Variants in SGF29 observed in about 807,000 individuals in gnomAD.
SGF29 encodes SAGA-associated factor 29.
A neutral mutation model predicts 38.1 loss-of-function variants in SGF29; 15 were observed. The ratio of observed to expected loss-of-function variants is 0.39; its 90% CI spans 0.26 to 0.61. The LOEUF (loss-of-function observed/expected upper bound fraction) is 0.61. SGF29 is among the 20% of genes least tolerant of loss of function. The probability of loss-of-function intolerance (pLI) is 0.49; values close to 1 mark genes in which losing one functional copy is unlikely to be tolerated. For missense variants in SGF29, 184 were observed against 394.6 expected (o/e 0.47, Z 4.52); for synonymous variants, 151 against 160.8 (o/e 0.94, Z 0.46).
chr16:28,590,893 T>C lies in SGF29; in HGVS notation c.723T>C (p.Thr241=), dbSNP rs369437733. The C allele has an allele frequency of 6.8e-6, 11 of 1,613,284 alleles. No homozygotes were observed. Among genetic ancestry groups the C allele is most frequent in the Non-Finnish European group, 9.3e-6 (11 of 1,179,678 alleles). ...TCGTGCTGGCCCTGTATCCCCAGAC[T>C]ACCTGCTTCTACCGCGCCCTGATCC... ...EQLVLALYPQ[T]TCFYRALIHA... The change falls in exon 9 of 10, where the codon ACT becomes ACC. Residue 241 remains threonine (T), a synonymous_variant. Coordinates refer to ENST00000317058, the MANE Select transcript of SGF29 (RefSeq NM_138414.3). This position sits in a 1 kb window ranked among gnomAD's most constrained non-coding sequence, Gnocchi z 8.2.
At chr16:28,559,026 A>T (rs962716399) in intron 1 of SGF29, among the ~76,000 whole-genome samples, 2 of 152,202 alleles carry the variant, frequency 1.3e-5, no homozygotes, top group Non-Finnish European at 2.9e-5. Context: ...CACTTTAAAA[A>T]AGTGAATTGG....
At chr16:28,570,358 A>G (rs909744689) in intron 1 of SGF29, among the ~76,000 whole-genome samples, 2 of 152,142 alleles carry the variant, frequency 1.3e-5, no homozygotes, top group Admixed American at 6.5e-5. Context: ...CCTGGGACCT[A>G]TTACCCCTTT....
At chr16:28,589,713 C>G (rs1282518988) in intron 5 of SGF29, among the ~76,000 whole-genome samples, 1 of 151,882 alleles carries the variant, frequency 6.6e-6, no homozygotes, top group African/African-American at 2.4e-5. Context: ...TTTTAACTTT[C>G]TGTTGAATTA....
intron 2 of SGF29, among the ~76,000 whole-genome samples, chr16:28,584,229 G>T (rs2046942330): frequency 6.6e-6 from 1 of 151,882 alleles, no homozygotes; most frequent in Admixed American, 6.6e-5. Context: ...GATCTCAAGT[G>T]ATCTGCCCAC....
chr16:28,557,971 T>G (rs2046763033), intron 1 of SGF29, among the ~76,000 whole-genome samples: 1 of 139,614 alleles, frequency 7.2e-6, no homozygotes, highest in South Asian at 2.3e-4. Context: ...CTCTGTTTTT[T>G]TTTTTTTTTT....
chr16:28,587,583 G>T (rs1470986574), intron 4 of SGF29, among the ~76,000 whole-genome samples: 1 of 152,176 alleles, frequency 6.6e-6, no homozygotes, highest in Non-Finnish European at 1.5e-5. Context: ...CCCTGGCCTG[G>T]TGAGGTCCAT....
intron 1 of SGF29, among the ~76,000 whole-genome samples, chr16:28,562,013 G>A (rs1217490307): frequency 4.6e-5 from 7 of 152,222 alleles, no homozygotes; most frequent in Non-Finnish European, 1.0e-4. Flanking sequence ...CATAGGAAGA[G>A]CTTGTTCTCT....
intron 3 of SGF29, chr16:28,585,232 C>T (rs1596607123): frequency 7.5e-6 from 4 of 530,910 alleles, no homozygotes; most frequent in Non-Finnish European, 1.3e-5. Flanking sequence ...CCTTAGAGCA[C>T]ACAAGCGCCC....
intron 5 of SGF29, 113 bp from the exon 6 acceptor site, chr16:28,589,983 T>A (rs769311542): frequency 6.3e-6 from 9 of 1,428,098 alleles, no homozygotes; most frequent in Non-Finnish European, 8.4e-6. Flanking sequence ...GCCCTCGGGC[T>A]CACTCGGGAA....
chr16:28,564,665 G>GCATATATGTA (rs2046818194), intron 1 of SGF29, among the ~76,000 whole-genome samples: 1 of 68,362 alleles, frequency 1.5e-5, no homozygotes, highest in African/African-American at 5.3e-5. Context: ...GTATATATAT[G>GCATATATGTA]CATATATATG....
intron 9 of SGF29, among the ~76,000 whole-genome samples, chr16:28,591,271 C>T (rs1393841645): frequency 1.3e-5 from 2 of 152,208 alleles, no homozygotes; most frequent in Non-Finnish European, 2.9e-5. Flanking sequence ...TCCCTGCCTG[C>T]CACCCTCTGG....
chr16:28,564,592 C>CGTATATATAT (rs1250330592), intron 1 of SGF29, among the ~76,000 whole-genome samples: 1 of 104,252 alleles, frequency 9.6e-6, no homozygotes, highest in African/African-American at 3.2e-5. Context: ...TATATATATA[C>CGTATATATAT]ACACATATAT....
rs78382837 is a variant in SGF29 at position 28,556,839 on chromosome 16, G to A, written c.-16+2742G>A. On this transcript the variant is annotated intron_variant, in intron 1 of 9. Transcript: ENST00000317058. ...TTTTATTTTGTTTTTGTAGAGACAG[G>A]GCCTCCGTGTGTTGCCCAGGATGGT... 9.1e-3 allele frequency among the ~76,000 whole-genome samples: 1,383 copies of A among 152,042 alleles called. 23 individuals carry two copies. Among genetic ancestry groups the A allele is most frequent in the African/African-American group, 0.031 (1,295 of 41,478 alleles).
At chr16:28,557,757 T>C (rs771833186) in intron 1 of SGF29, among the ~76,000 whole-genome samples, 22 of 152,134 alleles carry the variant, frequency 1.4e-4, no homozygotes, top group Non-Finnish European at 2.8e-4. Context: ...GCAGACTCAA[T>C]GGATTGATTG....
At chr16:28,560,064 A>C (rs1371408680) in intron 1 of SGF29, among the ~76,000 whole-genome samples, 2 of 151,586 alleles carry the variant, frequency 1.3e-5, no homozygotes, top group Admixed American at 1.3e-4. Flanking sequence ...ACATAGCAGA[A>C]CCCCTTCTCT....
intron 2 of SGF29, among the ~76,000 whole-genome samples, chr16:28,583,211 G>A (rs1417958940): frequency 6.6e-6 from 1 of 152,198 alleles, no homozygotes; most frequent in Non-Finnish European, 1.5e-5. Flanking sequence ...TACAATATTG[G>A]ATTTCCCTCA....
intron 2 of SGF29, among the ~76,000 whole-genome samples, chr16:28,583,320 T>C (rs1273741027): frequency 1.3e-5 from 2 of 152,242 alleles, no homozygotes; most frequent in Non-Finnish European, 2.9e-5. Context: ...TTGTAAGGGA[T>C]GTTAGCTTTG....
rs985956692 is a variant in SGF29 at position 28,580,952 on chromosome 16, A to G, written c.-15-103A>G. On this transcript the variant is annotated intron_variant, in intron 1 of 9. Coordinates refer to ENST00000317058, the MANE Select transcript of SGF29 (RefSeq NM_138414.3). ...CGCCTTGGCCTCCCAAAGTGCTGGGATTACAGCATGAGCCTCCAGGCCTAA... is the reference window on the plus strand; with the variant it reads ...CGCCTTGGCCTCCCAAAGTGCTGGGGTTACAGCATGAGCCTCCAGGCCTAA... The G allele has an allele frequency of 3.4e-6, 3 of 870,624 alleles. No homozygotes were observed. In the African/African-American group the frequency reaches 5.0e-5, roughly 14 times the overall value. 53.9% of individuals were successfully genotyped at this position (870,624 alleles called of 1,614,324 possible).
chr16:28,556,441 G>A (rs561875138), intron 1 of SGF29, among the ~76,000 whole-genome samples: 10 of 152,248 alleles, frequency 6.6e-5, no homozygotes, highest in African/African-American at 2.4e-4. Context: ...TCCGCCTTCC[G>A]GTTTCAAGCG....
Sources: gnomAD v4.1 joint callset for allele counts (sites outside exome capture counted in the v4.1 genomes callset) on GRCh38, gnomAD v4.1.1 for gene constraint, Gnocchi (gnomAD v3.1) non-coding constraint, MANE v1.5 for transcripts, NCBI Gene and HGNC (gene_info 2026-07-23, HGNC 2026-07-21) for gene names.